C9: variants seen among roughly 807,000 people sequenced by gnomAD.
The protein encoded by C9 is complement component C9.
In C9, 63 loss-of-function variants were observed where a neutral mutation model predicts 65.4. The observed-to-expected ratio is 0.96, with a 90% CI of 0.79 to 1.19. The LOEUF (loss-of-function observed/expected upper bound fraction) is 1.19, where lower values mean the gene tolerates loss of function less well. C9 is among the 50% of genes most tolerant of loss of function. C9 has a pLI of 0.00. For synonymous variants in C9, 229 were observed against 227.9 expected (o/e 1.00, Z -0.04); for missense variants, 744 against 670.1 (o/e 1.11, Z -1.22).
intron 5 of C9, among the ~76,000 whole-genome samples, chr5:39,330,316 G>C (rs75616310): frequency 0.03 from 4,555 of 152,220 alleles, 212 homozygotes; most frequent in African/African-American, 0.1. Context: ...TGAAACACAT[G>C]TGTTTCCAGG....
intron 5 of C9, among the ~76,000 whole-genome samples, chr5:39,330,760 G>A (rs1753825219): frequency 6.6e-6 from 1 of 151,756 alleles, no homozygotes; most frequent in Non-Finnish European, 1.5e-5. Context: ...GACTACATGT[G>A]AAAAAAAACA....
At chr5:39,302,427 A>G (rs947836163) in intron 9 of C9, among the ~76,000 whole-genome samples, 1 of 152,116 alleles carries the variant, frequency 6.6e-6, no homozygotes, top group East Asian at 1.9e-4. Context: ...TCCAAAATAA[A>G]CTATGTATAC....
intron 10 of C9, among the ~76,000 whole-genome samples, chr5:39,285,897 C>T (rs1418954980): frequency 6.6e-6 from 1 of 151,968 alleles, no homozygotes; most frequent in Non-Finnish European, 1.5e-5. Flanking sequence ...TTACGGTTTT[C>T]AATCTCATCA....
intron 4 of C9, among the ~76,000 whole-genome samples, chr5:39,336,572 A>G (rs1368444735): frequency 6.6e-6 from 1 of 152,158 alleles, no homozygotes; most frequent in Non-Finnish European, 1.5e-5. Flanking sequence ...TATCTTAATG[A>G]AATGAATGAG....
chr5:39,285,112 A>G lies in C9; in HGVS notation c.*87T>C. ...ATTTTCATGAAGCATGTTGCTATTT[A>G]CTTGGCAGCTAAGATTATCTTCAGG... On this transcript the variant is annotated 3_prime_UTR_variant, in exon 11 of 11. Transcript: ENST00000263408. 9.5e-7 allele frequency: 1 copy of G among 1,047,966 alleles called. No individual in the cohort carries two copies. Among genetic ancestry groups the G allele is most frequent in the Non-Finnish European group, 1.5e-6 (1 of 664,014 alleles). 64.9% of individuals were successfully genotyped at this position (1,047,966 alleles called of 1,614,324 possible). A position where few individuals can be genotyped will look rare whatever the true frequency, so the allele number is the denominator to read the frequency against.
intron 5 of C9, among the ~76,000 whole-genome samples, chr5:39,331,180 G>C (rs1297232950): frequency 1.3e-5 from 2 of 152,210 alleles, no homozygotes; most frequent in Non-Finnish European, 2.9e-5. Flanking sequence ...GTTTGGAATA[G>C]TGTTGTGTAG....
At chr5:39,356,192 CT>C (rs1305373113) in intron 1 of C9, among the ~76,000 whole-genome samples, 1 of 152,074 alleles carries the variant, frequency 6.6e-6, no homozygotes, top group Non-Finnish European at 1.5e-5. Flanking sequence ...ATTACTAGTT[CT>C]TTTTTATAGA....
At chr5:39,331,588 G>C in intron 5 of C9, 88 bp downstream of exon 5, 1 of 1,074,244 alleles carries the variant, frequency 9.3e-7, no homozygotes, top group Non-Finnish European at 1.5e-6. Context: ...TTATTCTACT[G>C]AGTTTTTCAC....
chr5:39,305,927 G>A (rs1158445610), intron 9 of C9, among the ~76,000 whole-genome samples: 1 of 152,112 alleles, frequency 6.6e-6, no homozygotes, highest in Non-Finnish European at 1.5e-5. Flanking sequence ...TTGGAAGGCT[G>A]AGGCAGGCAG....
intron 9 of C9, among the ~76,000 whole-genome samples, chr5:39,294,410 G>A (rs993511441): frequency 7.3e-5 from 11 of 151,568 alleles, no homozygotes; most frequent in African/African-American, 2.7e-4. Context: ...GAAACACAAA[G>A]GGTCATTAGA....
At chr5:39,309,575 A>G (rs944202007) in intron 7 of C9, among the ~76,000 whole-genome samples, 1 of 152,176 alleles carries the variant, frequency 6.6e-6, no homozygotes, top group African/African-American at 2.4e-5. Flanking sequence ...ATCCTTAAGA[A>G]GTGTGAGGAC....
At chr5:39,359,267 G>A (rs938116111) in intron 1 of C9, among the ~76,000 whole-genome samples, 24 of 151,528 alleles carry the variant, frequency 1.6e-4, no homozygotes, top group African/African-American at 5.1e-4. Context: ...AAATCAATAG[G>A]TATTCTCCAG....
At chr5:39,323,631 A>G (rs567034877) in intron 5 of C9, among the ~76,000 whole-genome samples, 1 of 151,834 alleles carries the variant, frequency 6.6e-6, no homozygotes, top group Non-Finnish European at 1.5e-5. Flanking sequence ...TTTAAAGATT[A>G]GAAAAACTCT....
chr5:39,352,568 C>T (rs1270397503), intron 1 of C9, among the ~76,000 whole-genome samples: 1 of 152,150 alleles, frequency 6.6e-6, no homozygotes, highest in African/African-American at 2.4e-5. Context: ...CACTCCAATC[C>T]TCATCTATGC....
At chr5:39,300,818 A>G (rs1406422547) in intron 9 of C9, among the ~76,000 whole-genome samples, 2 of 152,176 alleles carry the variant, frequency 1.3e-5, no homozygotes, top group Non-Finnish European at 2.9e-5. Flanking sequence ...CATACCATGT[A>G]TAGAAAGACA....
chr5:39,362,237 T>C lies in C9; in HGVS notation c.77+2151A>G, dbSNP rs142251496. Among the ~76,000 whole-genome samples, 1,240 of 152,248 alleles carry C rather than the reference T, an allele frequency of 8.1e-3. 16 individuals are homozygous for C. The highest frequency in any genetic ancestry group is 0.028 in the African/African-American group (1,183 of 41,518). ...GGACCTTATTTGGAAATAGGGTCTT[T>C]ACAGAGGTAATCAAGTTAAAATGAC... On this transcript the variant is annotated intron_variant, in intron 1 of 10. Coordinates refer to ENST00000263408, the MANE Select transcript of C9 (RefSeq NM_001737.5).
chr5:39,288,884 T>C lies in C9; in HGVS notation c.1484A>G (p.Glu495Gly), dbSNP rs762872495. ...KNAHLKKQNLERAIEDYINEF... is the reference protein window; with the variant it reads ...KNAHLKKQNLGRAIEDYINEF... ...ATTGATATAGTCTTCAATGGCTCTTTCCAAGTTTTGTTTCTTTAGGTGTGC... is the reference window on the plus strand; with the variant it reads ...ATTGATATAGTCTTCAATGGCTCTTCCCAAGTTTTGTTTCTTTAGGTGTGC... Residue 495 changes from glutamate to glycine, a missense_variant, in exon 10 of 11, where the codon GAA (glutamate) becomes GGA (glycine). By Grantham distance (98) the Glu-to-Gly change is moderately conservative (BLOSUM62 -2). Transcript: ENST00000263408. The C allele has an allele frequency of 1.2e-6, 2 of 1,611,938 alleles. No individual in the cohort carries two copies. Among genetic ancestry groups the C allele is most frequent in the Non-Finnish European group, 8.5e-7 (1 of 1,178,480 alleles).
At chr5:39,349,057 G>A (rs1754269368) in intron 1 of C9, among the ~76,000 whole-genome samples, 1 of 151,550 alleles carries the variant, frequency 6.6e-6, no homozygotes, top group African/African-American at 2.4e-5. Context: ...CGCATTAGGA[G>A]ATATACCCAA....
At chr5:39,341,346 T>C in intron 3 of C9, 53 bp from the exon 4 acceptor site, 5 of 1,602,376 alleles carry the variant, frequency 3.1e-6, no homozygotes, top group Non-Finnish European at 4.3e-6. Flanking sequence ...ATTTTCTCTT[T>C]CTTTCTGAAG....
Sources: allele counts gnomAD v4.1 joint callset (sites outside exome capture counted in the v4.1 genomes callset), GRCh38; gene constraint gnomAD v4.1.1; transcripts MANE v1.5; gene names NCBI Gene and HGNC (gene_info 2026-07-23, HGNC 2026-07-21).